Variants in LUZP2 observed in about 807,000 individuals in gnomAD.
LUZP2 encodes the protein leucine zipper protein 2.
LUZP2 carries 52 observed loss-of-function variants against 51.6 expected under a neutral mutation model. The ratio of observed to expected loss-of-function variants is 1.01; its 90% CI spans 0.81 to 1.27. LUZP2 has a LOEUF of 1.27. LUZP2 is among the 50% of genes most tolerant of loss of function. The pLI, the probability that LUZP2 is intolerant of heterozygous loss-of-function variation, is 0.00. For missense variants in LUZP2, 436 were observed against 395.4 expected (o/e 1.10, Z -0.87); for synonymous variants, 154 against 137.3 (o/e 1.12, Z -0.85).
At chr11:24,968,835 A>G (rs1306990559) in intron 7 of LUZP2, among the ~76,000 whole-genome samples, 1 of 152,236 alleles carries the variant, frequency 6.6e-6, no homozygotes, top group Non-Finnish European at 1.5e-5. Context: ...AGAAATTGCC[A>G]TCAGGCAGAA....
chr11:25,018,103 A>G (rs1857215214), intron 9 of LUZP2, among the ~76,000 whole-genome samples: 1 of 141,242 alleles, frequency 7.1e-6, no homozygotes, highest in Non-Finnish European at 1.5e-5. Context: ...TCTTGATTTG[A>G]TATTCAGCTT....
At chr11:24,769,906 C>T (rs968856068) in intron 5 of LUZP2, among the ~76,000 whole-genome samples, 5 of 152,000 alleles carry the variant, frequency 3.3e-5, no homozygotes, top group Non-Finnish European at 7.4e-5. Context: ...AATTCTCTTG[C>T]CCCAGCCTCC....
chr11:24,992,467 TAGATTA>T (rs1856378691), intron 9 of LUZP2, among the ~76,000 whole-genome samples: 1 of 152,094 alleles, frequency 6.6e-6, no homozygotes, highest in Non-Finnish European at 1.5e-5. Flanking sequence ...TTAATGGAAT[TAGATTA>T]ATTGAATTAC....
intron 1 of LUZP2, among the ~76,000 whole-genome samples, chr11:24,657,332 T>A (rs1300295028): frequency 6.6e-6 from 1 of 152,172 alleles, no homozygotes; most frequent in Non-Finnish European, 1.5e-5. Flanking sequence ...AAATTTGGAC[T>A]GAGAAACTGA....
chr11:24,658,728 G>A (rs1404673978), intron 1 of LUZP2, among the ~76,000 whole-genome samples: 1 of 151,600 alleles, frequency 6.6e-6, no homozygotes, highest in African/African-American at 2.4e-5. Context: ...AAATTTACAA[G>A]AAAAAAACAA....
intron 9 of LUZP2, among the ~76,000 whole-genome samples, chr11:25,008,416 G>C (rs1856894110): frequency 1.3e-5 from 2 of 152,180 alleles, no homozygotes; most frequent in Non-Finnish European, 2.9e-5. Flanking sequence ...GATGGCAGGG[G>C]GAATTGAGGG....
intron 1 of LUZP2, among the ~76,000 whole-genome samples, chr11:24,531,942 A>G (rs1451965915): frequency 6.6e-6 from 1 of 150,914 alleles, no homozygotes; most frequent in Non-Finnish European, 1.5e-5. Context: ...TCCAATACAT[A>G]TAGTTCTCTT....
At chr11:24,708,637 G>A (rs986417428) in intron 1 of LUZP2, among the ~76,000 whole-genome samples, 3 of 152,078 alleles carry the variant, frequency 2.0e-5, no homozygotes, top group East Asian at 1.9e-4. Context: ...AAATGCTTAT[G>A]AAAACCTGGA....
intron 7 of LUZP2, among the ~76,000 whole-genome samples, chr11:24,930,622 G>A (rs1464112472): frequency 6.6e-6 from 1 of 152,034 alleles, no homozygotes; most frequent in Admixed American, 6.6e-5. Context: ...TCTTTTCTAG[G>A]TTACCTGATG....
intron 5 of LUZP2, among the ~76,000 whole-genome samples, chr11:24,898,872 T>C (rs1853175327): frequency 6.6e-6 from 1 of 151,820 alleles, no homozygotes; most frequent in Non-Finnish European, 1.5e-5. Flanking sequence ...CAGTGTTCTA[T>C]TAGATGGGAC....
chr11:24,723,672 A>T (rs925315483), intron 1 of LUZP2, among the ~76,000 whole-genome samples: 2 of 152,162 alleles, frequency 1.3e-5, no homozygotes, highest in Middle Eastern at 3.4e-3. Flanking sequence ...ACAAAAAATT[A>T]AAAAAGCTTA....
At chr11:24,671,032 C>G (rs1158611072) in intron 1 of LUZP2, among the ~76,000 whole-genome samples, 2 of 151,536 alleles carry the variant, frequency 1.3e-5, no homozygotes, top group Admixed American at 6.6e-5. Context: ...TATTTTTATC[C>G]TAATGAGCAT....
At chr11:24,910,786 G>A (rs780463747) in intron 6 of LUZP2, among the ~76,000 whole-genome samples, 12 of 152,288 alleles carry the variant, frequency 7.9e-5, no homozygotes, top group East Asian at 3.9e-4. Context: ...AGTCACCACC[G>A]CATCACTGCC....
At chr11:24,891,228 G>A (rs1244894854) in intron 5 of LUZP2, 31 of 984,686 alleles carry the variant, frequency 3.1e-5, no homozygotes, top group Non-Finnish European at 3.7e-5. Flanking sequence ...TTGGTGATAA[G>A]GCAATTTAGC....
At chr11:24,713,100 C>T (rs774119759) in intron 1 of LUZP2, among the ~76,000 whole-genome samples, 17 of 152,024 alleles carry the variant, frequency 1.1e-4, no homozygotes, top group Non-Finnish European at 2.2e-4. Flanking sequence ...CATTAGCAGA[C>T]CTTGAAAGAA....
At chr11:24,644,306 A>G (rs1486796687) in intron 1 of LUZP2, among the ~76,000 whole-genome samples, 1 of 152,138 alleles carries the variant, frequency 6.6e-6, no homozygotes, top group Non-Finnish European at 1.5e-5. Flanking sequence ...TGGAGCTTTC[A>G]GTAATGGCCT....
At chr11:25,012,807 C>G (rs2133960413) in intron 9 of LUZP2, among the ~76,000 whole-genome samples, 1 of 152,218 alleles carries the variant, frequency 6.6e-6, no homozygotes, top group South Asian at 2.1e-4. Context: ...TATGAAGACA[C>G]TAAGGAGATT....
intron 4 of LUZP2, among the ~76,000 whole-genome samples, chr11:24,748,881 G>C (rs1486460364): frequency 1.3e-5 from 2 of 152,150 alleles, no homozygotes; most frequent in Non-Finnish European, 2.9e-5. Flanking sequence ...AGGAAAATGA[G>C]AGAGGAAAAG....
intron 5 of LUZP2, among the ~76,000 whole-genome samples, chr11:24,876,715 T>A (rs1852278373): frequency 6.6e-6 from 1 of 152,324 alleles, no homozygotes; most frequent in South Asian, 2.1e-4. Flanking sequence ...TGATATTGAT[T>A]CTTCCTACCC....
Sources: allele counts gnomAD v4.1 joint callset (sites outside exome capture counted in the v4.1 genomes callset), GRCh38; gene constraint gnomAD v4.1.1; transcripts MANE v1.5; gene names NCBI Gene and HGNC (gene_info 2026-07-23, HGNC 2026-07-21).